GOLM2: variants seen among roughly 807,000 people sequenced by gnomAD.
The protein encoded by GOLM2 is protein GOLM2.
A neutral mutation model predicts 55.9 loss-of-function variants in GOLM2; 26 were observed. That is an observed-to-expected ratio of 0.47 (90% CI 0.34 to 0.65). The LOEUF (loss-of-function observed/expected upper bound fraction) is 0.65, where lower values mean the gene tolerates loss of function less well. Among genes scored for constraint, GOLM2 ranks in the 30% least tolerant of loss-of-function variants. The pLI is 0.01. For synonymous variants in GOLM2, 165 were observed against 194.6 expected (o/e 0.85, Z 1.27); for missense variants, 486 against 531.8 (o/e 0.91, Z 0.85).
At chr15:44,342,618 A>G (rs1336416833) in intron 6 of GOLM2, among the ~76,000 whole-genome samples, 1 of 152,082 alleles carries the variant, frequency 6.6e-6, no homozygotes, top group Non-Finnish European at 1.5e-5. Context: ...TTTGATAATC[A>G]TTTTTCATAG....
rs532347456 is a variant in GOLM2 at position 44,332,038 on chromosome 15, A to T, written c.536A>T (p.Asn179Ile). 6.2e-7 allele frequency: 1 copy of T among 1,603,688 alleles called. No homozygotes were observed. Among genetic ancestry groups the T allele is most frequent in the African/African-American group, 1.3e-5 (1 of 74,828 alleles). The change falls in exon 4 of 10, where the codon AAT becomes ATT. Residue 179 changes from asparagine (N) to isoleucine (I), a missense_variant. Physicochemically the swap from Asn to Ile is moderately radical, Grantham distance 149. Coordinates refer to ENST00000299957, the MANE Select transcript of GOLM2 (RefSeq NM_138423.4). ...GAATTGAGAGCACAGCATGAAGAAAATATTAAAAAGTTAGCAGACCAGTTT... is the reference window on the plus strand; with the variant it reads ...GAATTGAGAGCACAGCATGAAGAAATTATTAAAAAGTTAGCAGACCAGTTT... ...MKELRAQHEE[N>I]IKKLADQFLE... is the part of the protein sequence containing the mutation.
chr15:44,289,015 G>T lies in GOLM2; in HGVS notation c.-15G>T. On this transcript the variant is annotated 5_prime_UTR_variant, in exon 1 of 10. Coordinates refer to ENST00000299957, the MANE Select transcript of GOLM2 (RefSeq NM_138423.4). This position sits in a 1 kb window ranked among gnomAD's most constrained non-coding sequence, Gnocchi z 4.8. The stretch of plus-strand genomic sequence containing the variant: ...TCTGCGGCGAGGCCCCTAGGGTACA[G>T]CCCGATTTGGCCCCATGGTGGGTTT... The T allele has an allele frequency of 1.2e-6, 2 of 1,608,042 alleles. No homozygotes were observed. The highest frequency in any genetic ancestry group is 1.7e-6 in the Non-Finnish European group (2 of 1,176,720).
At chr15:44,323,131 C>A (rs80069426) in intron 2 of GOLM2, 112 bp downstream of exon 2, 18,943 of 641,296 alleles carry the variant, frequency 0.03, 418 homozygotes, top group East Asian at 0.073. Context: ...TCTGAACAAA[C>A]TCCTCTGATG....
intron 4 of GOLM2, among the ~76,000 whole-genome samples, chr15:44,332,591 C>T (rs1461842189): frequency 6.6e-6 from 1 of 151,790 alleles, no homozygotes; most frequent in African/African-American, 2.4e-5. Flanking sequence ...TAATTTTGAA[C>T]CAAAATATCC....
intron 1 of GOLM2, among the ~76,000 whole-genome samples, chr15:44,316,003 T>C (rs1314975602): frequency 6.6e-6 from 1 of 152,214 alleles, no homozygotes; most frequent in African/African-American, 2.4e-5. Flanking sequence ...ATTCAGTGTT[T>C]ATGGGTATCA....
intron 6 of GOLM2, among the ~76,000 whole-genome samples, chr15:44,357,616 G>A (rs2079206538): frequency 6.6e-6 from 1 of 152,118 alleles, no homozygotes; most frequent in Non-Finnish European, 1.5e-5. Context: ...AACTCTCTTT[G>A]TTCACAGATG....
chr15:44,308,966 G>A (rs183902483), intron 1 of GOLM2, among the ~76,000 whole-genome samples: 3 of 152,216 alleles, frequency 2.0e-5, no homozygotes, highest in Admixed American at 1.3e-4. Context: ...TTAAAAATGG[G>A]CAAAGGACTG....
At chr15:44,303,711 T>G (rs1446609855) in intron 1 of GOLM2, among the ~76,000 whole-genome samples, 2 of 151,758 alleles carry the variant, frequency 1.3e-5, no homozygotes, top group Non-Finnish European at 2.9e-5. Flanking sequence ...GACTACAAAC[T>G]TGTGCCATCA....
intron 1 of GOLM2, among the ~76,000 whole-genome samples, chr15:44,314,938 C>A (rs2078898901): frequency 6.6e-6 from 1 of 152,178 alleles, no homozygotes; most frequent in Non-Finnish European, 1.5e-5. Flanking sequence ...TAGGACCTGG[C>A]ACAAAAATAA....
intron 1 of GOLM2, among the ~76,000 whole-genome samples, chr15:44,305,074 A>G (rs2078827142): frequency 1.3e-5 from 2 of 152,004 alleles, no homozygotes; most frequent in South Asian, 4.2e-4. Context: ...TTCATGGCTC[A>G]CTGCAGCCTT....
chr15:44,347,130 AAAG>A (rs998884626), intron 6 of GOLM2, among the ~76,000 whole-genome samples: 25 of 151,124 alleles, frequency 1.7e-4, no homozygotes, highest in Non-Finnish European at 3.2e-4. Flanking sequence ...TCTAAACAAA[AAAG>A]AGAGAGAGAG....
At chr15:44,310,470 GTA>G (rs369090230) in intron 1 of GOLM2, among the ~76,000 whole-genome samples, 5,584 of 121,506 alleles carry the variant, frequency 0.046, 368 homozygotes, top group African/African-American at 0.16. Context: ...ATATATATAT[GTA>G]TATATATATA....
chr15:44,347,410 A>T (rs2079132864), intron 6 of GOLM2, among the ~76,000 whole-genome samples: 1 of 152,160 alleles, frequency 6.6e-6, no homozygotes, highest in African/African-American at 2.4e-5. Flanking sequence ...ATACACTTCC[A>T]GGAGTGAGAG....
At chr15:44,294,831 T>C (rs2078745477) in intron 1 of GOLM2, among the ~76,000 whole-genome samples, 2 of 150,812 alleles carry the variant, frequency 1.3e-5, no homozygotes, top group South Asian at 4.2e-4. Flanking sequence ...GAAGCAGAGG[T>C]TGCAGTGAGC....
chr15:44,364,664 C>T (rs902564980), intron 6 of GOLM2, among the ~76,000 whole-genome samples: 2 of 151,610 alleles, frequency 1.3e-5, no homozygotes, highest in Admixed American at 1.3e-4. Flanking sequence ...CACTGCACTC[C>T]AGCCTGGGGA....
intron 6 of GOLM2, among the ~76,000 whole-genome samples, chr15:44,343,121 G>A (rs1191688075): frequency 6.6e-6 from 1 of 151,766 alleles, no homozygotes; most frequent in Non-Finnish European, 1.5e-5. Context: ...ATCACTTGAG[G>A]TCAGGAGTTC....
In GOLM2 at chr15:44,397,508, CCACACA is replaced by C. The variant is rs10695192; in HGVS notation, c.1073-5360_1073-5355del. ...AAAAAAAAAAAAAAAAAAAACAAAACCACACACACACACACACACACACATCATAGA... is the reference window on the plus strand; with the variant it reads ...AAAAAAAAAAAAAAAAAAAACAAAACCACACACACACACACACATCATAGA... On this transcript the variant is annotated intron_variant, in intron 8 of 9. Coordinates refer to ENST00000299957, the MANE Select transcript of GOLM2 (RefSeq NM_138423.4). Among the ~76,000 whole-genome samples the C allele has an allele frequency of 8.5e-5, 11 of 130,018 alleles. No individual in the cohort carries two copies. The East Asian group carries it at 1.1e-3, about 13-fold the overall frequency. 85.3% of individuals were successfully genotyped at this position (130,018 alleles called of 152,430 possible). A position where few individuals can be genotyped will look rare whatever the true frequency, so the allele number is the denominator to read the frequency against.
intron 6 of GOLM2, among the ~76,000 whole-genome samples, chr15:44,359,099 G>A (rs1215766153): frequency 6.6e-6 from 1 of 151,840 alleles, no homozygotes; most frequent in Non-Finnish European, 1.5e-5. Flanking sequence ...GCAGTGAGCT[G>A]AGATCGCGCC....
At chr15:44,407,617 A>AT (rs1194069489) in intron 9 of GOLM2, among the ~76,000 whole-genome samples, 9 of 150,726 alleles carry the variant, frequency 6.0e-5, no homozygotes, top group East Asian at 3.9e-4. Context: ...TTTTTTTTAA[A>AT]TTTTTTTTAT....
Sources: gnomAD v4.1 joint callset for allele counts (sites outside exome capture counted in the v4.1 genomes callset) on GRCh38, gnomAD v4.1.1 for gene constraint, Gnocchi (gnomAD v3.1) non-coding constraint, MANE v1.5 for transcripts, NCBI Gene and HGNC (gene_info 2026-07-23, HGNC 2026-07-21) for gene names.